The following NEGR1 variants were observed in gnomAD, a reference collection of about 807,000 sequenced individuals.
The protein encoded by NEGR1 is neuronal growth regulator 1, also known as IgLON family member 4.
In NEGR1, 10 loss-of-function variants were observed where a neutral mutation model predicts 40.9. The ratio of observed to expected loss-of-function variants is 0.24; its 90% confidence interval spans 0.15 to 0.42. The LOEUF is 0.42. NEGR1 is among the 10% of genes least tolerant of loss of function. The pLI is 1.00. For synonymous variants in NEGR1, 185 were observed against 166.8 expected, an observed-to-expected ratio of 1.11 and a Z score of -0.84; for missense variants, 352 against 438.9, an observed-to-expected ratio of 0.80 and a Z score of 1.77.
chr1:71,743,827 G>A (rs182818331), intron 3 of NEGR1, among the ~76,000 whole-genome samples: 157 of 152,228 alleles, frequency 1.0e-3, no homozygotes, highest in Non-Finnish European at 1.7e-3. Flanking sequence ...CTTATGTATT[G>A]AATTGTCCTC....
chr1:71,733,072 CTTT>C (rs1157020972), intron 3 of NEGR1, among the ~76,000 whole-genome samples: 3 of 140,482 alleles, frequency 2.1e-5, no homozygotes, highest in Non-Finnish European at 4.7e-5. Context: ...CAGGATAGCT[CTTT>C]TTTTTTTTTT....
chr1:72,091,448 C>T (rs1208841570), intron 1 of NEGR1, among the ~76,000 whole-genome samples: 13 of 143,210 alleles, frequency 9.1e-5, no homozygotes, highest in African/African-American at 3.3e-4. Flanking sequence ...TCCCTAACTC[C>T]ATCCCTAACT....
chr1:72,139,729 G>A (rs1650601786), intron 1 of NEGR1, among the ~76,000 whole-genome samples: 1 of 151,868 alleles, frequency 6.6e-6, no homozygotes, highest in African/African-American at 2.4e-5. Context: ...GTAGCAGGGA[G>A]GGATGAAAGA....
chr1:71,964,750 C>T (rs531553619), intron 1 of NEGR1, among the ~76,000 whole-genome samples: 1 of 152,038 alleles, frequency 6.6e-6, no homozygotes, highest in East Asian at 1.9e-4. Context: ...CATAGCTACA[C>T]CACTGGAACA....
At chr1:71,834,456 AC>A (rs1658945576) in intron 2 of NEGR1, among the ~76,000 whole-genome samples, 1 of 100,150 alleles carries the variant, frequency 1.0e-5, no homozygotes, top group African/African-American at 3.8e-5. Context: ...ACCCACCCCC[AC>A]CCCCTGCCAA....
chr1:71,545,510 TTC>T (rs1647864062), intron 6 of NEGR1, among the ~76,000 whole-genome samples: 1 of 151,846 alleles, frequency 6.6e-6, no homozygotes, highest in Admixed American at 6.6e-5. Context: ...CTTCTATATC[TTC>T]TGTCTTTCTA....
At chr1:71,464,527 T>C (rs1273794775) in intron 6 of NEGR1, among the ~76,000 whole-genome samples, 1 of 152,138 alleles carries the variant, frequency 6.6e-6, no homozygotes, top group East Asian at 1.9e-4. Context: ...AAAGCTAAAG[T>C]AATAATTTAA....
intron 6 of NEGR1, among the ~76,000 whole-genome samples, chr1:71,483,269 G>A (rs893623904): frequency 6.6e-6 from 1 of 151,740 alleles, no homozygotes; most frequent in African/African-American, 2.4e-5. Flanking sequence ...AAATATGACG[G>A]TATGAGACCA....
intron 1 of NEGR1, among the ~76,000 whole-genome samples, chr1:72,261,707 T>G (rs1162537339): frequency 6.6e-6 from 1 of 151,988 alleles, no homozygotes; most frequent in Non-Finnish European, 1.5e-5. Context: ...TGAAATCAAG[T>G]CTTTACAACA....
rs115432348 is a variant in NEGR1 at position 72,236,604 on chromosome 1, C to T, written c.176+45715G>A. On this transcript the variant is annotated intron_variant, in intron 1 of 6. Coordinates refer to ENST00000357731, the MANE Select transcript of NEGR1 (RefSeq NM_173808.3). ...TATTATTTTTATCATTTCAGTATTG[C>T]CTACTAGTTGTGGGCTATTTCTTAT... Among the ~76,000 whole-genome samples the T allele has an allele frequency of 8.7e-3, 1,321 of 151,894 alleles. 21 individuals carry two copies. The highest frequency in any genetic ancestry group is 0.03 in the African/African-American group (1,257 of 41,450).
At chr1:71,794,652 A>G (rs1282786873) in intron 2 of NEGR1, 1 of 152,132 alleles carries the variant, frequency 6.6e-6, no homozygotes, top group African/African-American at 2.4e-5. Flanking sequence ...ATATTTTAAT[A>G]ATATAGAATT....
At chr1:71,699,640 G>T (rs891978407) in intron 3 of NEGR1, among the ~76,000 whole-genome samples, 3 of 151,796 alleles carry the variant, frequency 2.0e-5, no homozygotes, top group African/African-American at 7.3e-5. Flanking sequence ...ATAAATTAAA[G>T]TATGAGGAAC....
chr1:71,513,634 T>C (rs1216920855), intron 6 of NEGR1, among the ~76,000 whole-genome samples: 1 of 152,232 alleles, frequency 6.6e-6, no homozygotes, highest in Non-Finnish European at 1.5e-5. Context: ...TATGTTTTCA[T>C]CCTGATTTTA....
At chr1:71,721,575 C>G (rs1412431878) in intron 3 of NEGR1, among the ~76,000 whole-genome samples, 2 of 152,108 alleles carry the variant, frequency 1.3e-5, no homozygotes, top group African/African-American at 4.8e-5. Context: ...AAAGTTGGCA[C>G]TACTGCTATT....
chr1:72,209,759 T>C (rs1202310032), intron 1 of NEGR1, among the ~76,000 whole-genome samples: 7 of 151,990 alleles, frequency 4.6e-5, no homozygotes, highest in Non-Finnish European at 2.9e-5. Context: ...TGTATCTTAA[T>C]CTACCACAGT....
intron 1 of NEGR1, among the ~76,000 whole-genome samples, chr1:72,260,428 G>A (rs1229847708): frequency 3.3e-5 from 5 of 151,942 alleles, no homozygotes; most frequent in Admixed American, 2.0e-4. Context: ...CTTACTAAGC[G>A]CTTACTATGA....
At chr1:72,131,746 T>C (rs1242861718) in intron 1 of NEGR1, among the ~76,000 whole-genome samples, 1 of 152,204 alleles carries the variant, frequency 6.6e-6, no homozygotes, top group East Asian at 1.9e-4. Flanking sequence ...CATTTACAGG[T>C]TATGTCTACA....
chr1:71,669,206 A>G (rs909051590), intron 4 of NEGR1, among the ~76,000 whole-genome samples: 1 of 152,080 alleles, frequency 6.6e-6, no homozygotes, highest in Non-Finnish European at 1.5e-5. Flanking sequence ...ACCAACATTT[A>G]TTGGTTCATG....
intron 1 of NEGR1, among the ~76,000 whole-genome samples, chr1:72,235,393 T>C (rs966450832): frequency 6.6e-6 from 1 of 152,048 alleles, no homozygotes. Context: ...AATTCACTGA[T>C]AGTTTTCGAA....
Sources: allele counts gnomAD v4.1 joint callset (sites outside exome capture counted in the v4.1 genomes callset), GRCh38; gene constraint gnomAD v4.1.1; transcripts MANE v1.5; gene names NCBI Gene and HGNC (gene_info 2026-07-23, HGNC 2026-07-21).